The following SEC16B variants were observed in gnomAD, a reference collection of about 807,000 sequenced individuals.
SEC16B encodes the protein protein transport protein Sec16B.
In SEC16B, 115 loss-of-function variants were observed where a neutral mutation model predicts 141.8. The ratio of observed to expected loss-of-function variants is 0.81; its 90% CI spans 0.70 to 0.95. SEC16B has a LOEUF of 0.95. Among genes scored for constraint, SEC16B ranks in the 40% least tolerant of loss-of-function variants. The pLI is 0.00. For missense variants in SEC16B, 1,291 were observed against 1,312.3 expected (o/e 0.98, Z 0.25); for synonymous variants, 493 against 492.5 (o/e 1.00, Z -0.01).
At chr1:177,942,877 G>A (rs145655451) in intron 15 of SEC16B, among the ~76,000 whole-genome samples, 10 of 152,172 alleles carry the variant, frequency 6.6e-5, no homozygotes, top group African/African-American at 9.6e-5. Flanking sequence ...TCTGTGCCTC[G>A]GTTTCCTCTC....
At chr1:177,937,108 C>A in intron 19 of SEC16B, 106 bp downstream of exon 19, 3 of 1,294,028 alleles carry the variant, frequency 2.3e-6, no homozygotes, top group Non-Finnish European at 3.1e-6. Flanking sequence ...GTGTCTTTCC[C>A]AGCTCCAACC....
intron 20 of SEC16B, among the ~76,000 whole-genome samples, chr1:177,935,435 G>A (rs1305205188): frequency 6.6e-6 from 1 of 152,108 alleles, no homozygotes; most frequent in African/African-American, 2.4e-5. Context: ...TTAAGTAACA[G>A]ATATGAAATA....
Position 177,965,876 on chromosome 1 carries a change from T to C in SEC16B, c.412+17A>G, listed in dbSNP as rs1275809550. ...CCATCCCCAAATCCCAGAGGCTTCT[T>C]GGAGACTTTTCCATACCTCTTTCTT... On this transcript the variant is annotated intron_variant, in intron 3 of 25. Coordinates refer to ENST00000308284, the MANE Select transcript of SEC16B (RefSeq NM_033127.4). 1.3e-6 allele frequency: 2 copies of C among 1,498,052 alleles called. No homozygotes were observed. Among genetic ancestry groups the C allele is most frequent in the Non-Finnish European group, 1.8e-6 (2 of 1,093,256 alleles). The allele number at this position is 1,498,052 out of a possible 1,614,324, so 92.8% of individuals were successfully genotyped here.
At chr1:177,980,541 A>G (rs1472041956) in intron 1 of SEC16B, among the ~76,000 whole-genome samples, 1 of 152,106 alleles carries the variant, frequency 6.6e-6, no homozygotes, top group East Asian at 1.9e-4. Context: ...TTTCTTGAAT[A>G]TCTACTATGC....
At position 177,930,528 on chromosome 1, in the gene SEC16B, C is replaced by T. The variant is rs373335991; in HGVS notation, c.3111+17G>A. 1.9e-6 allele frequency: 3 copies of T among 1,596,684 alleles called. No homozygotes were observed. The highest frequency in any genetic ancestry group is 1.1e-5 in the South Asian group (1 of 90,098). On this transcript the variant is annotated intron_variant, in intron 25 of 25. Coordinates refer to ENST00000308284, the MANE Select transcript of SEC16B (RefSeq NM_033127.4). ...CCTGTACTCCTGGCCAGCCCCTCCC[C>T]CTGAGGGCTTCCTTACCTGAGGCAC...
intron 24 of SEC16B, 130 bp downstream of exon 24, chr1:177,932,360 G>GAGCAAACT (rs1475510267): frequency 1.6e-6 from 1 of 643,438 alleles, no homozygotes. Context: ...ATGACAGCCT[G>GAGCAAACT]AGCAAACTAA....
In SEC16B at chr1:177,954,190, C is replaced by T. The variant is rs538335528; in HGVS notation, c.1463+89G>A. 320 of 885,228 alleles carry T rather than the reference C, an allele frequency of 3.6e-4. 2 individuals are homozygous for T. The highest frequency in any genetic ancestry group is 5.0e-4 in the Non-Finnish European group (277 of 552,266). 54.8% of individuals were successfully genotyped at this position (885,228 alleles called of 1,614,324 possible). On this transcript the variant is annotated intron_variant, in intron 11 of 25. Transcript: ENST00000308284. ...CCCTGGAGTGTGAGTCTCCTTAGCG[C>T]GTCTGACATTTCTCCACACCCTCAT...
intron 19 of SEC16B, among the ~76,000 whole-genome samples, chr1:177,936,925 C>T (rs1650886109): frequency 6.6e-6 from 1 of 152,156 alleles, no homozygotes; most frequent in African/African-American, 2.4e-5. Flanking sequence ...AATCTCTCTC[C>T]TAGAAACTAT....
rs1464443083 is a variant in SEC16B at position 177,947,943 on chromosome 1, C to T, written c.1546-1G>A. The T allele has an allele frequency of 1.3e-6, 2 of 1,537,174 alleles. No homozygotes were observed. Among genetic ancestry groups the T allele is most frequent in the African/African-American group, 1.4e-5 (1 of 72,724 alleles). On this transcript the variant is annotated splice_acceptor_variant, in intron 12 of 25. Coordinates refer to ENST00000308284, the MANE Select transcript of SEC16B (RefSeq NM_033127.4). LOFTEE classifies it high-confidence loss of function. ...CTCCCCACTGCTTTTCTCCACAACA[C>T]TGAAAAGCACCAGAAAAAATAAATG...
intron 20 of SEC16B, among the ~76,000 whole-genome samples, chr1:177,935,166 G>T (rs941129843): frequency 1.3e-5 from 2 of 151,914 alleles, no homozygotes; most frequent in Non-Finnish European, 2.9e-5. Context: ...ACCTTCCTTG[G>T]CCACCCCTCT....
At chr1:177,948,211 C>A (rs1180261787) in intron 12 of SEC16B, among the ~76,000 whole-genome samples, 1 of 152,140 alleles carries the variant, frequency 6.6e-6, no homozygotes, top group African/African-American at 2.4e-5. Context: ...TGACATTGCT[C>A]ACTTACTATT....
chr1:177,957,593 T>C (rs1652706938), intron 10 of SEC16B, among the ~76,000 whole-genome samples: 1 of 152,214 alleles, frequency 6.6e-6, no homozygotes, highest in South Asian at 2.1e-4. Context: ...AGGCATGCAA[T>C]GTATAATAAT....
chr1:177,962,574 A>C (rs1271575541), intron 5 of SEC16B, among the ~76,000 whole-genome samples: 1 of 150,366 alleles, frequency 6.7e-6, no homozygotes, highest in African/African-American at 2.4e-5. Flanking sequence ...CCATCTCTAC[A>C]AAAAAACAAA....
At chr1:177,960,665 G>A in intron 7 of SEC16B, 126 bp downstream of exon 7, 1 of 1,092,428 alleles carries the variant, frequency 9.2e-7, no homozygotes, top group Non-Finnish European at 1.3e-6. Flanking sequence ...ACATGGCCCA[G>A]TTTCCCGCAA....
chr1:177,936,294 T>G lies in SEC16B; in HGVS notation c.2571+4A>C. The G allele has an allele frequency of 6.2e-7, 1 of 1,608,008 alleles. No homozygotes were observed. Among genetic ancestry groups the G allele is most frequent in the Non-Finnish European group, 8.5e-7 (1 of 1,177,202 alleles). ...GTGGCATCTTTTATGCTGTGCGCTC[T>G]CACCTGTGGTTTGGAAATGACCTCT... is the stretch of plus-strand genomic sequence containing the variant. On this transcript the variant is annotated splice_donor_region_variant and intron_variant, in intron 20 of 25. Coordinates refer to ENST00000308284, the MANE Select transcript of SEC16B (RefSeq NM_033127.4).
At chr1:177,946,658 AAATG>A in intron 13 of SEC16B, 127 bp from the exon 14 acceptor site, 1 of 652,792 alleles carries the variant, frequency 1.5e-6, no homozygotes, top group Non-Finnish European at 2.7e-6. Flanking sequence ...ACATGGGACT[AAATG>A]AATGAGCCTT....
upstream of SEC16B, among the ~76,000 whole-genome samples, chr1:177,972,532 T>G (rs1463178928): frequency 6.6e-6 from 1 of 152,166 alleles, no homozygotes; most frequent in Admixed American, 6.5e-5. Flanking sequence ...ATGGCTACAG[T>G]CTTCACATCA....
At chr1:177,940,855 A>T (rs888368607) in intron 16 of SEC16B, 141 bp from the exon 17 acceptor site, 11 of 551,280 alleles carry the variant, frequency 2.0e-5, no homozygotes, top group Non-Finnish European at 3.2e-5. Context: ...AAATTACATT[A>T]TAAAAAATAA....
In SEC16B at chr1:177,960,415, C is replaced by T; in HGVS notation, c.937-12G>A. The T allele has an allele frequency of 1.3e-6, 2 of 1,579,136 alleles. No homozygotes were observed. ...TCATTAAGAATAACCTGGAATAAAA[C>T]AATCAGATTTTGTGTTTAAGACTGT... On this transcript the variant is annotated splice_polypyrimidine_tract_variant and intron_variant, in intron 7 of 25. Coordinates refer to ENST00000308284, the MANE Select transcript of SEC16B (RefSeq NM_033127.4).
Sources: gnomAD v4.1 joint callset for allele counts (sites outside exome capture counted in the v4.1 genomes callset) on GRCh38, gnomAD v4.1.1 for gene constraint, MANE v1.5 for transcripts, NCBI Gene and HGNC (gene_info 2026-07-23, HGNC 2026-07-21) for gene names.